UBE2F: variants seen among roughly 807,000 people sequenced by gnomAD.
UBE2F encodes ubiquitin conjugating enzyme E2 F (putative).
In UBE2F, 5 loss-of-function variants were observed where a neutral mutation model predicts 29.6. The ratio of observed to expected loss-of-function variants is 0.17; its 90% CI spans 0.09 to 0.36. UBE2F has a LOEUF of 0.36. Among genes scored for constraint, UBE2F ranks in the 10% least tolerant of loss-of-function variants. The pLI is 1.00. For missense variants in UBE2F, 141 were observed against 228.5 expected (o/e 0.62, Z 2.47); for synonymous variants, 66 against 81.8 (o/e 0.81, Z 1.04).
At chr2:237,968,737 C>A in intron 1 of UBE2F, 1 of 544,754 alleles carries the variant, frequency 1.8e-6, no homozygotes, top group Non-Finnish European at 2.3e-6. Context: ...CCTAACTGGG[C>A]CAATTACAAC....
intron 5 of UBE2F, among the ~76,000 whole-genome samples, chr2:238,020,208 G>T (rs1390157627): frequency 6.6e-6 from 1 of 152,176 alleles, no homozygotes; most frequent in Non-Finnish European, 1.5e-5. Flanking sequence ...CAGCTGTCTT[G>T]CCCACACTAT....
intron 2 of UBE2F, among the ~76,000 whole-genome samples, chr2:237,981,715 C>G (rs1036557001): frequency 2.2e-5 from 3 of 137,618 alleles, no homozygotes; most frequent in African/African-American, 8.2e-5. Context: ...TAACCTCTGC[C>G]TCTTGGGCTC....
intron 5 of UBE2F, 190 bp from the exon 6 acceptor site, chr2:238,025,152 C>A: frequency 1.7e-6 from 1 of 591,354 alleles, no homozygotes; most frequent in Non-Finnish European, 3.1e-6. Context: ...GTGGATGCAG[C>A]GCATCAACAC....
At chr2:238,025,906 G>A (rs568118418) in intron 6 of UBE2F, among the ~76,000 whole-genome samples, 11 of 152,324 alleles carry the variant, frequency 7.2e-5, no homozygotes, top group African/African-American at 1.9e-4. Flanking sequence ...GCAGCCTCTC[G>A]GAGCTTCATG....
intron 8 of UBE2F, among the ~76,000 whole-genome samples, chr2:238,033,715 CA>C (rs1404032795): frequency 6.6e-6 from 1 of 152,218 alleles, no homozygotes; most frequent in Non-Finnish European, 1.5e-5. Context: ...GCAGAGAAAT[CA>C]AGCACTTCCA....
chr2:237,978,904 C>A (rs563424048), intron 2 of UBE2F, among the ~76,000 whole-genome samples: 11 of 152,268 alleles, frequency 7.2e-5, no homozygotes, highest in African/African-American at 2.6e-4. Flanking sequence ...CCCCAAACAC[C>A]CCTCAGGGCA....
At chr2:238,020,717 T>C (rs2064271681) in intron 5 of UBE2F, among the ~76,000 whole-genome samples, 1 of 152,242 alleles carries the variant, frequency 6.6e-6, no homozygotes, top group Non-Finnish European at 1.5e-5. Flanking sequence ...TTCCTTTGCC[T>C]CTGCAGTTTA....
At chr2:238,026,903 G>A (rs561001259) in intron 6 of UBE2F, among the ~76,000 whole-genome samples, 14 of 152,178 alleles carry the variant, frequency 9.2e-5, no homozygotes, top group South Asian at 4.1e-4. Context: ...TGTCCTTTAC[G>A]TATTGAAACA....
intron 3 of UBE2F, among the ~76,000 whole-genome samples, chr2:237,989,865 TC>T (rs914971017): frequency 1.4e-4 from 21 of 152,026 alleles, no homozygotes; most frequent in African/African-American, 5.1e-4. Flanking sequence ...ACGCCTATAT[TC>T]CCAACACTTT....
chr2:238,010,431 A>G (rs1408976233), intron 4 of UBE2F, among the ~76,000 whole-genome samples: 1 of 152,252 alleles, frequency 6.6e-6, no homozygotes, highest in African/African-American at 2.4e-5. Flanking sequence ...TTGGCCTCCC[A>G]AAGTGCTGGG....
chr2:237,975,195 G>A (rs114453230), intron 2 of UBE2F, among the ~76,000 whole-genome samples: 2,968 of 151,750 alleles, frequency 0.02, 96 homozygotes, highest in African/African-American at 0.069. Context: ...TCAGCCTTCT[G>A]GGCTCAGGCG....
At chr2:238,030,480 C>A in intron 6 of UBE2F, 76 bp from the exon 7 acceptor site, 1 of 1,007,282 alleles carries the variant, frequency 9.9e-7, no homozygotes, top group Non-Finnish European at 1.6e-6. Context: ...ATGGCACACA[C>A]CGAGAGGACT....
intron 3 of UBE2F, among the ~76,000 whole-genome samples, chr2:237,988,615 T>TA (rs35898026): frequency 0.14 from 18,481 of 127,960 alleles, 2,313 homozygotes; most frequent in African/African-American, 0.35. Context: ...GACTCTGTCT[T>TA]AAAAAAAAAA....
rs201224125 is a variant in UBE2F at position 237,968,593 on chromosome 2, G to A, written c.-17+1461G>A. 3.4e-4 allele frequency among the ~76,000 whole-genome samples: 52 copies of A among 152,304 alleles called. 1 individual carries two copies. The highest frequency in any genetic ancestry group is 3.0e-3 in the Admixed American group (46 of 15,296). Reference sequence around the variant, plus strand: ...GAGCTGACTGGCCCCTGGTGTCCCTGCACAAGTGACATGGCCTGGTTTTGC... The same window carrying A: ...GAGCTGACTGGCCCCTGGTGTCCCTACACAAGTGACATGGCCTGGTTTTGC... On this transcript the variant is annotated intron_variant, in intron 1 of 9. Transcript: ENST00000272930.
intron 5 of UBE2F, among the ~76,000 whole-genome samples, chr2:238,019,548 T>G (rs2064242244): frequency 6.6e-6 from 1 of 151,832 alleles, no homozygotes. Context: ...GTATTTTTAG[T>G]AGAGACGGAG....
intron 4 of UBE2F, among the ~76,000 whole-genome samples, chr2:237,998,317 C>T (rs2106358157): frequency 6.6e-6 from 1 of 152,256 alleles, no homozygotes; most frequent in African/African-American, 2.4e-5. Context: ...TTCCTTGCCC[C>T]CTACACCACC....
chr2:238,041,473 G>C lies in UBE2F; in HGVS notation c.*135G>C. The C allele has an allele frequency of 3.8e-6, 3 of 781,238 alleles. No homozygotes were observed. The highest frequency in any genetic ancestry group is 6.4e-6 in the Non-Finnish European group (3 of 465,620). 48.4% of individuals were successfully genotyped at this position (781,238 alleles called of 1,614,324 possible). ...ATTGCCCCAGTCCTGTGACCATGTT[G>C]CCCTGAAGAAGACCATCTTCATGAC... is the stretch of plus-strand genomic sequence containing the variant. On this transcript the variant is annotated 3_prime_UTR_variant, in exon 10 of 10. Coordinates refer to ENST00000272930, the MANE Select transcript of UBE2F (RefSeq NM_080678.3).
Position 237,970,278 on chromosome 2 carries a change from G to C in UBE2F, c.-16-2814G>C, listed in dbSNP as rs76087874. Among the ~76,000 whole-genome samples, 7 of 152,328 alleles carry C rather than the reference G, an allele frequency of 4.6e-5. No homozygotes were observed. The East Asian group carries it at 1.3e-3, about 29-fold the overall frequency. On this transcript the variant is annotated intron_variant, in intron 1 of 9. Transcript: ENST00000272930. ...TGCTTTAGGAGGTGGAGGGTGCTGA[G>C]GTGGGAGGATCTCTTGAACCTGGGA...
chr2:238,004,825 G>A (rs1279063984), intron 4 of UBE2F, among the ~76,000 whole-genome samples: 2 of 152,172 alleles, frequency 1.3e-5, no homozygotes, highest in Non-Finnish European at 2.9e-5. Flanking sequence ...CAGAGAAGGT[G>A]ATGTGACAAT....
Sources: gnomAD v4.1 joint callset for allele counts (sites outside exome capture counted in the v4.1 genomes callset) on GRCh38, gnomAD v4.1.1 for gene constraint, MANE v1.5 for transcripts, NCBI Gene and HGNC (gene_info 2026-07-23, HGNC 2026-07-21) for gene names.